Variants in MAP3K12 observed in about 807,000 individuals in gnomAD.
The protein encoded by MAP3K12 is mitogen-activated protein kinase kinase kinase 12.
A neutral mutation model predicts 87.5 loss-of-function variants in MAP3K12; 14 were observed. The observed-to-expected ratio is 0.16, with a 90% CI of 0.11 to 0.25. The LOEUF (loss-of-function observed/expected upper bound fraction) is 0.25, where lower values mean the gene tolerates loss of function less well. Among genes scored for constraint, MAP3K12 ranks in the 10% least tolerant of loss-of-function variants. The probability of loss-of-function intolerance (pLI) is 1.00; values close to 1 mark genes in which losing one functional copy is unlikely to be tolerated. For missense variants in MAP3K12, 802 were observed against 1,140.4 expected (o/e 0.70, Z 4.27); for synonymous variants, 469 against 452.5 (o/e 1.04, Z -0.46).
At chr12:53,501,178 G>C (rs1441066250), upstream of MAP3K12, 9 of 573,764 alleles carry the variant, frequency 1.6e-5, no homozygotes, top group Non-Finnish European at 2.5e-5. Context: ...CCAGAAGGCG[G>C]TGCAGCCTGC....
intron 11 of MAP3K12, 26 bp from the exon 12 acceptor site, chr12:53,482,395 G>GA: frequency 6.2e-7 from 1 of 1,610,976 alleles, no homozygotes; most frequent in Non-Finnish European, 8.5e-7. Context: ...GGTGGGGGGG[G>GA]TCTGATTAGA....
intron 6 of MAP3K12, 135 bp downstream of exon 6, chr12:53,484,921 G>T: frequency 8.7e-7 from 1 of 1,152,394 alleles, no homozygotes; most frequent in Non-Finnish European, 1.2e-6. Flanking sequence ...TCAGAAGGTA[G>T]CATGAGCCTG....
In MAP3K12 at chr12:53,481,292, A is replaced by G. The variant is rs765636457; in HGVS notation, c.2581-12T>C. The G allele has an allele frequency of 3.3e-6, 5 of 1,497,584 alleles. No individual in the cohort carries two copies. The highest frequency in any genetic ancestry group is 1.8e-6 in the Non-Finnish European group (2 of 1,112,908). The allele number at this position is 1,497,584 out of a possible 1,614,324, so 92.8% of individuals were successfully genotyped here. Reference sequence around the variant, plus strand: ...GAATTGGGAGGGCCCTGTGAGAAAGAGTAGAAATGGAGTGAGATTCCTTGG... The same window carrying G: ...GAATTGGGAGGGCCCTGTGAGAAAGGGTAGAAATGGAGTGAGATTCCTTGG... On this transcript the variant is annotated splice_polypyrimidine_tract_variant and intron_variant, in intron 13 of 13. Transcript: ENST00000547488.
chr12:53,481,977 G>C lies in MAP3K12; in HGVS notation c.2544C>G (p.Ser848=), dbSNP rs376842688. The change falls in exon 13 of 14, where the codon TCC becomes TCG. Residue 848 remains serine, a synonymous_variant. Transcript: ENST00000547488. The part of the protein sequence containing the change: ...SEVIPGPEPS[S]LPIPHQELLR... ...GAAGTTCCTGGTGTGGAATGGGCAG[G>C]GAGCTGGGTTCAGGGCCAGGGATGA... 1.6e-3 allele frequency: 2,628 copies of C among 1,614,100 alleles called. 75 individuals are homozygous for C. In the South Asian group the frequency reaches 0.028, roughly 17 times the overall value.
intron 5 of MAP3K12, 21 bp downstream of exon 5, chr12:53,485,294 TCA>T (rs1943198280): frequency 1.2e-6 from 2 of 1,608,598 alleles, no homozygotes; most frequent in African/African-American, 1.3e-5. Flanking sequence ...CCCACTCTTC[TCA>T]GTTTTCAGCC....
chr12:53,482,607 G>C lies in MAP3K12; in HGVS notation c.2196C>G (p.Thr732=). 6.2e-7 allele frequency: 1 copy of C among 1,613,764 alleles called. No homozygotes were observed. The highest frequency in any genetic ancestry group is 8.5e-7 in the Non-Finnish European group (1 of 1,179,950). The change falls in exon 11 of 14, where the codon ACC becomes ACG. Residue 732 remains threonine, a synonymous_variant. Transcript: ENST00000547488. The part of the protein sequence containing the change: ...GGSRAGSQHL[T]PAALLYRAAV... ...CAGCCCTGTACAGCAGTGCAGCTGG[G>C]GTCAAGTGCTGGGACCCAGCCCGGC...
rs1943235484 is a variant in MAP3K12, at chr12:53,486,667, A to G, written c.446-45T>C. 6.6e-7 allele frequency: 1 copy of G among 1,522,294 alleles called. No homozygotes were observed. Among genetic ancestry groups the G allele is most frequent in the Non-Finnish European group, 8.8e-7 (1 of 1,136,662 alleles). The allele number at this position is 1,522,294 out of a possible 1,614,324, so 94.3% of individuals were successfully genotyped here. On this transcript the variant is annotated intron_variant, in intron 2 of 13. Coordinates refer to ENST00000547488, the MANE Select transcript of MAP3K12 (RefSeq NM_001193511.2). The surrounding 1 kb of genome is among the most constrained non-coding windows in gnomAD (Gnocchi z 4.9). Reference sequence around the variant, plus strand: ...TGCCACAAGCCTCAGAAAGAGCCACACTCAAGGCCAGGGACAGGATAGCAT... The same window carrying G: ...TGCCACAAGCCTCAGAAAGAGCCACGCTCAAGGCCAGGGACAGGATAGCAT...
chr12:53,501,098 G>C, upstream of MAP3K12: 1 of 433,632 alleles, frequency 2.3e-6, no homozygotes, highest in South Asian at 2.6e-5. Flanking sequence ...CGGAAGGAAG[G>C]AGGCGGGACG....
At chr12:53,499,134 T>G (rs1436529048) in intron 1 of MAP3K12, among the ~76,000 whole-genome samples, 1 of 151,808 alleles carries the variant, frequency 6.6e-6, no homozygotes, top group Non-Finnish European at 1.5e-5. Flanking sequence ...CTCTGTCCTT[T>G]AAGTCTGTCC....
chr12:53,482,285 A>T lies in MAP3K12; in HGVS notation c.2309+14T>A, dbSNP rs1943078386. The stretch of plus-strand genomic sequence containing the variant: ...AACAAGAATGCCATTAATTCTTGTA[A>T]TGCCATCACTTACCTCTGGCTTGAT... On this transcript the variant is annotated intron_variant, in intron 12 of 13. Coordinates refer to ENST00000547488, the MANE Select transcript of MAP3K12 (RefSeq NM_001193511.2). 1 of 1,613,922 alleles carries T rather than the reference A, an allele frequency of 6.2e-7. No homozygotes were observed. Among genetic ancestry groups the T allele is most frequent in the Non-Finnish European group, 8.5e-7 (1 of 1,179,982 alleles).
At chr12:53,483,798 C>A in intron 8 of MAP3K12, 75 bp from the exon 9 acceptor site, 2 of 1,612,336 alleles carry the variant, frequency 1.2e-6, no homozygotes, top group Non-Finnish European at 1.7e-6. Context: ...TCTCAGAATT[C>A]CTGTCCACAG....
chr12:53,487,444 A>C lies in MAP3K12; in HGVS notation c.-37-16T>G. The C allele has an allele frequency of 6.5e-7, 1 of 1,549,968 alleles. No homozygotes were observed. Among genetic ancestry groups the C allele is most frequent in the South Asian group, 1.2e-5 (1 of 81,034 alleles). On this transcript the variant is annotated splice_polypyrimidine_tract_variant and intron_variant, in intron 1 of 13. Coordinates refer to ENST00000547488, the MANE Select transcript of MAP3K12 (RefSeq NM_001193511.2). ...ACACTGGGCCCTGTGGGAATGAAGG[A>C]AGGAGGGGCTGGGCTGTTAAAGCCC...
Position 53,479,672 on chromosome 12 carries a change from T to TTTTTTTTTTTTTTTTTGG in MAP3K12, c.*1509_*1510insCCAAAAAAAAAAAAAAAA. On this transcript the variant is annotated 3_prime_UTR_variant, in exon 14 of 14. Coordinates refer to ENST00000547488, the MANE Select transcript of MAP3K12 (RefSeq NM_001193511.2). ...TTTAGTTTTATAAGCTTCTCCCTGG[T>TTTTTTTTTTTTTTTTTGG]TTTTTTTTTTTGGCTCATGAATTTT... The TTTTTTTTTTTTTTTTTGG allele has an allele frequency of 2.4e-5, 7 of 286,806 alleles. No individual in the cohort carries two copies. Among genetic ancestry groups the TTTTTTTTTTTTTTTTTGG allele is most frequent in the East Asian group, 5.6e-5 (1 of 17,902 alleles). The allele number at this position is 286,806 out of a possible 1,614,324, so 17.8% of individuals were successfully genotyped here.
At chr12:53,501,467 C>G (rs1383171139), upstream of MAP3K12, 1 of 1,563,414 alleles carries the variant, frequency 6.4e-7, no homozygotes, top group Non-Finnish European at 8.7e-7. Flanking sequence ...CCTAGGTGAG[C>G]CGTCTCGTAC....
chr12:53,499,434 G>C lies in MAP3K12; in HGVS notation c.-45C>G, dbSNP rs1388791931. On this transcript the variant is annotated 5_prime_UTR_variant, in exon 1 of 14. Transcript: ENST00000547488. ...ACTCGGCCAGGCTCTCACCTCGGGG[G>C]CTCCGCGGCCGCAGCACAAAAGGCG... The C allele has an allele frequency of 6.7e-6, 1 of 148,374 alleles. No individual in the cohort carries two copies. The highest frequency in any genetic ancestry group is 1.5e-5 in the Non-Finnish European group (1 of 67,076). The allele number at this position is 148,374 out of a possible 1,614,324, so 9.2% of individuals were successfully genotyped here.
At chr12:53,491,299 A>AG (rs1193161557) in intron 1 of MAP3K12, among the ~76,000 whole-genome samples, 9 of 148,752 alleles carry the variant, frequency 6.1e-5, no homozygotes, top group Middle Eastern at 3.4e-3. Flanking sequence ...AAAAAAAAAA[A>AG]AAAAAAGAAA....
chr12:53,482,334 C>G lies in MAP3K12; in HGVS notation c.2274G>C (p.Glu758Asp), dbSNP rs372577176. 1.4e-5 allele frequency: 22 copies of G among 1,613,962 alleles called. No homozygotes were observed. The highest frequency in any genetic ancestry group is 1.9e-5 in the Non-Finnish European group (22 of 1,180,036). The stretch of plus-strand genomic sequence containing the variant: ...ATGTCAGCTCTACTTCACTGTCTAC[C>G]TCTCCTTCCTCCTCTTCCGATGAGA... ...RGISSEEEEG[E>D]VDSEVELTSS... Residue 758 changes from glutamate (E) to aspartate (D), a missense_variant, in exon 12 of 14, where the codon GAG becomes GAC. Around this residue, in one of 5 missense-constraint regions of MAP3K12, gnomAD observed 490 missense variants for 496.6 expected, o/e 0.99. Coordinates refer to ENST00000547488, the MANE Select transcript of MAP3K12 (RefSeq NM_001193511.2).
In MAP3K12 at chr12:53,483,107, C is replaced by G; in HGVS notation, c.1696G>C (p.Gly566Arg). The G allele has an allele frequency of 6.6e-7, 1 of 1,523,716 alleles. No homozygotes were observed. Among genetic ancestry groups the G allele is most frequent in the South Asian group, 1.3e-5 (1 of 75,956 alleles). The allele number at this position is 1,523,716 out of a possible 1,614,324, so 94.4% of individuals were successfully genotyped here. A position where few individuals can be genotyped will look rare whatever the true frequency, so the allele number is the denominator to read the frequency against. Residue 566 changes from glycine to arginine, a missense_variant, in exon 11 of 14, where the codon GGC becomes CGC. Transcript: ENST00000547488. ...SGVGLPGCPK[G>R]PPSPGRSRRG... Reference sequence around the variant, plus strand: ...CGACTCCGTCCTGGTGAGGGGGGGCCCTTAGGACACCCAGGAAGCCCCACC... The same window carrying G: ...CGACTCCGTCCTGGTGAGGGGGGGCGCTTAGGACACCCAGGAAGCCCCACC...
At position 53,485,406 on chromosome 12, in the gene MAP3K12, C is replaced by T. The variant is rs749345112; in HGVS notation, c.891G>A (p.Lys297=). The part of the protein sequence containing the change: ...DFGTSKELSD[K]STKMSFAGTV... ...TCCCTGCAAAGGACATCTTGGTGCT[C>T]TTGTCACTCAGCTCCTTGGAAGTGC... is the stretch of plus-strand genomic sequence containing the variant. The change falls in exon 5 of 14, where the codon AAG becomes AAA. Residue 297 remains lysine, a synonymous_variant. Coordinates refer to ENST00000547488, the MANE Select transcript of MAP3K12 (RefSeq NM_001193511.2). The T allele has an allele frequency of 3.1e-6, 5 of 1,614,230 alleles. No homozygotes were observed. In the Admixed American group the frequency reaches 6.7e-5, roughly 22 times the overall value.
Sources: gnomAD v4.1 joint callset for allele counts (sites outside exome capture counted in the v4.1 genomes callset) on GRCh38, gnomAD v4.1.1 for gene constraint, gnomAD v4.1.1 regional missense constraint, Gnocchi (gnomAD v3.1) non-coding constraint, MANE v1.5 for transcripts, NCBI Gene and HGNC (gene_info 2026-07-23, HGNC 2026-07-21) for gene names.